LRRC20: variants seen among roughly 807,000 people sequenced by gnomAD.
The protein encoded by LRRC20 is leucine-rich repeat-containing protein 20.
A neutral mutation model predicts 14.4 loss-of-function variants in LRRC20; 11 were observed. The ratio of observed to expected loss-of-function variants is 0.77; its 90% CI spans 0.48 to 1.27. The LOEUF is 1.27. Ranked by LOEUF, LRRC20 falls within the 50% of genes most tolerant of loss-of-function variation. The pLI is 0.00. For synonymous variants in LRRC20, 121 were observed against 107.3 expected (o/e 1.13, Z -0.79); for missense variants, 219 against 251.2 (o/e 0.87, Z 0.87).
chr10:70,364,050 C>G (rs1843868404), intron 2 of LRRC20, among the ~76,000 whole-genome samples: 3 of 152,224 alleles, frequency 2.0e-5, no homozygotes, highest in Admixed American at 1.3e-4. Context: ...GCAAACAAAG[C>G]CAGGCAGCCC....
At chr10:70,310,002 A>G (rs1276904925) in intron 4 of LRRC20, among the ~76,000 whole-genome samples, 4 of 152,196 alleles carry the variant, frequency 2.6e-5, no homozygotes, top group African/African-American at 9.6e-5. Flanking sequence ...GAACCACCCT[A>G]CTGAAGGCCA....
At chr10:70,320,020 C>T (rs1043494703) in intron 4 of LRRC20, among the ~76,000 whole-genome samples, 2 of 152,120 alleles carry the variant, frequency 1.3e-5, no homozygotes, top group Non-Finnish European at 2.9e-5. Flanking sequence ...GGGCCCAGAC[C>T]TTCAGACTCA....
chr10:70,340,412 A>T, intron 3 of LRRC20, 141 bp downstream of exon 3: 1 of 986,578 alleles, frequency 1.0e-6, no homozygotes, highest in South Asian at 1.6e-5. Context: ...ACACAGGTCC[A>T]TTTTCAAAGT....
chr10:70,335,580 G>A lies in LRRC20; in HGVS notation c.232+4973C>T, dbSNP rs547392619. Among the ~76,000 whole-genome samples, 16 of 152,302 alleles carry A rather than the reference G, an allele frequency of 1.1e-4. No homozygotes were observed. In the South Asian group the frequency reaches 1.9e-3, roughly 18 times the overall value. ...TTGGCTTCAAGGCCCTGCCTGTTCC[G>A]TGCCTTCCTGGCCTGGCCTCACACA... On this transcript the variant is annotated intron_variant, in intron 3 of 4. Transcript: ENST00000446961.
intron 3 of LRRC20, among the ~76,000 whole-genome samples, chr10:70,335,153 C>T (rs546115948): frequency 3.9e-4 from 60 of 152,282 alleles, no homozygotes; most frequent in Non-Finnish European, 7.8e-4. Context: ...AGAACACACA[C>T]TTGGGGAAAC....
At chr10:70,325,918 TG>T (rs144689745) in intron 3 of LRRC20, among the ~76,000 whole-genome samples, 2,504 of 152,090 alleles carry the variant, frequency 0.016, 58 homozygotes, top group African/African-American at 0.056. Context: ...ATTCTACACA[TG>T]ATTTTAATGC....
At chr10:70,335,148 A>AGG (rs1842682581) in intron 3 of LRRC20, among the ~76,000 whole-genome samples, 1 of 152,140 alleles carries the variant, frequency 6.6e-6, no homozygotes, top group Non-Finnish European at 1.5e-5. Context: ...TGTAAAGAAC[A>AGG]CACACTTGGG....
At chr10:70,319,580 T>C (rs562705624) in intron 4 of LRRC20, among the ~76,000 whole-genome samples, 1 of 152,276 alleles carries the variant, frequency 6.6e-6, no homozygotes, top group African/African-American at 2.4e-5. Flanking sequence ...CCCCTACACC[T>C]GTGACCAGGT....
At chr10:70,353,152 CT>C (rs1236946704) in intron 2 of LRRC20, among the ~76,000 whole-genome samples, 5 of 152,282 alleles carry the variant, frequency 3.3e-5, no homozygotes, top group African/African-American at 7.2e-5. Flanking sequence ...GGCTTCAGAC[CT>C]TTTATTCCCT....
intron 4 of LRRC20, among the ~76,000 whole-genome samples, chr10:70,320,010 G>A (rs568717345): frequency 2.0e-5 from 3 of 152,220 alleles, no homozygotes; most frequent in East Asian, 1.9e-4. Context: ...CACCTGAACC[G>A]GGCCCAGACC....
chr10:70,371,189 T>C (rs1844250758), intron 2 of LRRC20, among the ~76,000 whole-genome samples: 1 of 151,638 alleles, frequency 6.6e-6, no homozygotes. Flanking sequence ...CAGGCTGGAG[T>C]GCAGTGGCCC....
At chr10:70,380,756 G>C (rs936890323) in intron 1 of LRRC20, among the ~76,000 whole-genome samples, 4 of 152,242 alleles carry the variant, frequency 2.6e-5, no homozygotes, top group African/African-American at 7.2e-5. Context: ...ATTCCTCAGA[G>C]TGAGCATCCT....
chr10:70,316,030 GCTCTCCAGCACT>G (rs573146962), intron 4 of LRRC20, among the ~76,000 whole-genome samples: 50 of 152,314 alleles, frequency 3.3e-4, no homozygotes, highest in African/African-American at 9.9e-4. Flanking sequence ...GCATCAGGCG[GCTCTCCAGCACT>G]CTGGACAGAG....
At chr10:70,353,959 A>C (rs192467321) in intron 2 of LRRC20, among the ~76,000 whole-genome samples, 23 of 152,166 alleles carry the variant, frequency 1.5e-4, no homozygotes, top group Non-Finnish European at 3.2e-4. Flanking sequence ...GAGTTGAAAG[A>C]GCTGGTGAAA....
At chr10:70,338,395 A>G (rs1421354894) in intron 3 of LRRC20, among the ~76,000 whole-genome samples, 2 of 152,146 alleles carry the variant, frequency 1.3e-5, no homozygotes, top group East Asian at 3.9e-4. Flanking sequence ...TCCCTCATGC[A>G]TCATCAGCAT....
intron 4 of LRRC20, among the ~76,000 whole-genome samples, chr10:70,304,470 T>TTATCTATATCTATATC (rs1293891046): frequency 8.8e-6 from 1 of 113,826 alleles, no homozygotes; most frequent in African/African-American, 3.0e-5. Context: ...GGCCACTTCT[T>TTATCTATATCTATATC]TATATATATA....
chr10:70,338,327 C>T (rs762212695), intron 3 of LRRC20, among the ~76,000 whole-genome samples: 6 of 128,834 alleles, frequency 4.7e-5, no homozygotes, highest in African/African-American at 1.1e-4. Flanking sequence ...AATGCCCACA[C>T]CTCCTCTAGG....
chr10:70,304,171 C>T (rs978521489), intron 4 of LRRC20, among the ~76,000 whole-genome samples: 1 of 152,028 alleles, frequency 6.6e-6, no homozygotes, highest in Non-Finnish European at 1.5e-5. Context: ...AGCTGAGGCT[C>T]TGGCTGCATC....
intron 4 of LRRC20, among the ~76,000 whole-genome samples, chr10:70,304,213 C>T (rs1028295691): frequency 3.3e-5 from 5 of 151,888 alleles, no homozygotes; most frequent in African/African-American, 7.3e-5. Flanking sequence ...CGTGAGCAGC[C>T]GGATCCCAGA....
Sources: gnomAD v4.1 joint callset for allele counts (sites outside exome capture counted in the v4.1 genomes callset) on GRCh38, gnomAD v4.1.1 for gene constraint, MANE v1.5 for transcripts, NCBI Gene and HGNC (gene_info 2026-07-23, HGNC 2026-07-21) for gene names.